The following ZFYVE9 variants were observed in gnomAD, a reference collection of about 807,000 sequenced individuals.
ZFYVE9 encodes the protein zinc finger FYVE domain-containing protein 9.
ZFYVE9 carries 43 observed loss-of-function variants against 126.7 expected under a neutral mutation model. The observed-to-expected ratio is 0.34, with a 90% CI of 0.27 to 0.44. The LOEUF (loss-of-function observed/expected upper bound fraction) is 0.44, where lower values mean the gene tolerates loss of function less well. Ranked by LOEUF, ZFYVE9 falls within the 20% of genes least tolerant of loss-of-function variation. ZFYVE9 has a pLI of 1.00. For missense variants in ZFYVE9, 1,476 were observed against 1,697.0 expected (o/e 0.87, Z 2.29); for synonymous variants, 521 against 597.4 (o/e 0.87, Z 1.87).
chr1:52,267,910 C>T (rs931910749), intron 6 of ZFYVE9, among the ~76,000 whole-genome samples: 1 of 152,184 alleles, frequency 6.6e-6, no homozygotes. Context: ...TCTTCAGTTA[C>T]ACTTCAGGCA....
At chr1:52,216,904 A>T (rs1251680571) in intron 2 of ZFYVE9, among the ~76,000 whole-genome samples, 1 of 152,212 alleles carries the variant, frequency 6.6e-6, no homozygotes, top group African/African-American at 2.4e-5. Context: ...AATAATTTCC[A>T]GCAGAAAACT....
At chr1:52,208,932 T>TG (rs1438227646) in intron 1 of ZFYVE9, among the ~76,000 whole-genome samples, 2 of 152,224 alleles carry the variant, frequency 1.3e-5, no homozygotes, top group African/African-American at 4.8e-5. Context: ...ATCCTTTGTA[T>TG]GGGACTATTT....
chr1:52,287,044 C>T (rs1160718398), intron 10 of ZFYVE9, among the ~76,000 whole-genome samples: 1 of 152,120 alleles, frequency 6.6e-6, no homozygotes, highest in African/African-American at 2.4e-5. Context: ...CCCTCCCAGA[C>T]AGAAGTAGTC....
At chr1:52,160,907 C>G (rs917117189) in intron 1 of ZFYVE9, among the ~76,000 whole-genome samples, 2 of 152,172 alleles carry the variant, frequency 1.3e-5, no homozygotes, top group African/African-American at 4.8e-5. Context: ...TGCAGTTGAT[C>G]AGTATAGCAT....
chr1:52,309,955 CTGG>C (rs1288919485), intron 13 of ZFYVE9, among the ~76,000 whole-genome samples: 1 of 152,110 alleles, frequency 6.6e-6, no homozygotes, highest in Admixed American at 6.6e-5. Flanking sequence ...TTAAGGTCAC[CTGG>C]TTCATATATA....
At chr1:52,337,652 C>T (rs1646401195) in intron 15 of ZFYVE9, 120 bp from the exon 16 acceptor site, 1 of 1,157,282 alleles carries the variant, frequency 8.6e-7, no homozygotes, top group African/African-American at 1.5e-5. Flanking sequence ...AAGAGCAAAA[C>T]CTCTGTATCA....
At chr1:52,264,535 A>T (rs1170755474) in intron 5 of ZFYVE9, among the ~76,000 whole-genome samples, 1 of 152,088 alleles carries the variant, frequency 6.6e-6, no homozygotes, top group African/African-American at 2.4e-5. Context: ...TTAGTTAAAA[A>T]CCCTGAGTAT....
chr1:52,244,360 G>T (rs1645363419), intron 4 of ZFYVE9, among the ~76,000 whole-genome samples: 1 of 152,154 alleles, frequency 6.6e-6, no homozygotes, highest in Non-Finnish European at 1.5e-5. Flanking sequence ...AACAAAGGAA[G>T]AGAAAAATCC....
intron 1 of ZFYVE9, among the ~76,000 whole-genome samples, chr1:52,161,956 C>T (rs977399986): frequency 2.0e-5 from 3 of 150,274 alleles, no homozygotes; most frequent in Non-Finnish European, 4.4e-5. Context: ...AAAAAGTTTA[C>T]GGAGTATAAC....
chr1:52,228,410 C>T (rs1645188933), intron 2 of ZFYVE9, among the ~76,000 whole-genome samples: 2 of 152,180 alleles, frequency 1.3e-5, no homozygotes, highest in African/African-American at 2.4e-5. Context: ...GGAATGTTTA[C>T]CACCCATCAG....
intron 1 of ZFYVE9, among the ~76,000 whole-genome samples, chr1:52,148,434 G>A (rs1380126625): frequency 2.0e-5 from 3 of 151,722 alleles, no homozygotes; most frequent in Admixed American, 2.0e-4. Flanking sequence ...GTTGCAGTGA[G>A]CCAAGACTGC....
At chr1:52,235,707 A>G (rs1181094473) in intron 3 of ZFYVE9, among the ~76,000 whole-genome samples, 1 of 152,126 alleles carries the variant, frequency 6.6e-6, no homozygotes, top group African/African-American at 2.4e-5. Context: ...ATTTGGGGAT[A>G]TGCTTTTCTT....
chr1:52,210,878 C>T (rs948553579), intron 1 of ZFYVE9, among the ~76,000 whole-genome samples: 4 of 152,174 alleles, frequency 2.6e-5, no homozygotes, highest in African/African-American at 9.7e-5. Context: ...TCTTCTCGAA[C>T]TTCTGATCTC....
chr1:52,181,131 G>C (rs925948030), intron 1 of ZFYVE9, among the ~76,000 whole-genome samples: 2 of 151,502 alleles, frequency 1.3e-5, no homozygotes, highest in Non-Finnish European at 2.9e-5. Context: ...CTCTGATGCC[G>C]AGCCGAAGCT....
rs189686949 is a variant in ZFYVE9, at chr1:52,210,389, A to G, written c.-142-5980A>G. On this transcript the variant is annotated intron_variant, in intron 1 of 18. Transcript: ENST00000287727. The stretch of plus-strand genomic sequence containing the variant: ...TTACCTCGCTTTTTGCCTGAGTAAC[A>G]TTAGTTGTTTCCTAAACTGTACTCT... Among the ~76,000 whole-genome samples, 407 of 151,874 alleles carry G rather than the reference A, an allele frequency of 2.7e-3. 2 individuals are homozygous for G. Among genetic ancestry groups the G allele is most frequent in the African/African-American group, 9.6e-3 (394 of 41,166 alleles).
intron 1 of ZFYVE9, among the ~76,000 whole-genome samples, chr1:52,169,592 T>G (rs533778846): frequency 6.6e-6 from 1 of 152,300 alleles, no homozygotes; most frequent in South Asian, 2.1e-4. Context: ...GTGCTAATAC[T>G]CAAATTCAAC....
At chr1:52,214,742 A>G (rs577801001) in intron 1 of ZFYVE9, among the ~76,000 whole-genome samples, 23 of 152,220 alleles carry the variant, frequency 1.5e-4, no homozygotes, top group African/African-American at 5.1e-4. Flanking sequence ...AAGTTTCCCA[A>G]TCTGCTGTCT....
At chr1:52,166,968 A>G (rs1644519871) in intron 1 of ZFYVE9, among the ~76,000 whole-genome samples, 1 of 152,238 alleles carries the variant, frequency 6.6e-6, no homozygotes, top group South Asian at 2.1e-4. Context: ...AAATGTATCA[A>G]TTGATCTTTA....
intron 13 of ZFYVE9, among the ~76,000 whole-genome samples, chr1:52,323,991 G>A (rs1296013107): frequency 6.6e-6 from 1 of 151,614 alleles, no homozygotes; most frequent in Non-Finnish European, 1.5e-5. Flanking sequence ...CCTGGTTGGC[G>A]GAGATTGCAG....
Sources: gnomAD v4.1 joint callset for allele counts (sites outside exome capture counted in the v4.1 genomes callset) on GRCh38, gnomAD v4.1.1 for gene constraint, MANE v1.5 for transcripts, NCBI Gene and HGNC (gene_info 2026-07-23, HGNC 2026-07-21) for gene names.